Variants in FHIT observed in about 807,000 individuals in gnomAD.
FHIT encodes bis(5'-adenosyl)-triphosphatase.
Under a neutral mutation model 17.9 loss-of-function variants are expected in FHIT, and 19 were observed. That is an observed-to-expected ratio of 1.06 (90% CI 0.74 to 1.56). FHIT has a LOEUF of 1.56. Among genes scored for constraint, FHIT ranks in the 40% most tolerant of loss-of-function variants. The pLI, the probability that FHIT is intolerant of heterozygous loss-of-function variation, is 0.00. For synonymous variants in FHIT, 81 were observed against 69.7 expected, an observed-to-expected ratio of 1.16 and a Z score of -0.81; for missense variants, 248 against 189.2, an observed-to-expected ratio of 1.31 and a Z score of -1.82.
At chr3:60,057,465 C>T (rs1702126150) in intron 5 of FHIT, among the ~76,000 whole-genome samples, 1 of 152,056 alleles carries the variant, frequency 6.6e-6, no homozygotes, top group Admixed American at 6.6e-5. Flanking sequence ...ATTACTCAGC[C>T]ATGAAAATGA....
rs547011868 is a variant in FHIT at position 61,011,800 on chromosome 3, T to C, written c.-111+30247A>G. ...AAGCAAAATGGGAATCTGTAAAAAA[T>C]ACAATGGCGATGGTGTCTTATTTCT... On this transcript the variant is annotated intron_variant, in intron 3 of 9. Coordinates refer to ENST00000492590, the MANE Select transcript of FHIT (RefSeq NM_002012.4). Among the ~76,000 whole-genome samples the C allele has an allele frequency of 1.4e-4, 22 of 152,132 alleles. No individual in the cohort carries two copies. In the South Asian group the frequency reaches 4.1e-3, roughly 29 times the overall value.
At chr3:59,858,857 G>A (rs76340742) in intron 8 of FHIT, among the ~76,000 whole-genome samples, 2 of 152,176 alleles carry the variant, frequency 1.3e-5, no homozygotes, top group East Asian at 3.9e-4. Context: ...TGAAGATACT[G>A]ATATGAATTC....
rs189086767 is a variant in FHIT at position 60,091,769 on chromosome 3, C to T, written c.104-77617G>A. On this transcript the variant is annotated intron_variant, in intron 5 of 9. Coordinates refer to ENST00000492590, the MANE Select transcript of FHIT (RefSeq NM_002012.4). ...GCACCTCCCACCTTGCCTTTCTTCT[C>T]CTGCTCCCACCACATGAGATGCCTC... Among the ~76,000 whole-genome samples, 10 of 152,194 alleles carry T rather than the reference C, an allele frequency of 6.6e-5. No homozygotes were observed. In the East Asian group the frequency reaches 1.9e-3, roughly 29 times the overall value.
intron 5 of FHIT, among the ~76,000 whole-genome samples, chr3:60,507,065 T>C (rs2034762103): frequency 6.6e-6 from 1 of 152,142 alleles, no homozygotes; most frequent in Admixed American, 6.6e-5. Context: ...TTCTAGCACA[T>C]GTGAATTACA....
intron 5 of FHIT, among the ~76,000 whole-genome samples, chr3:60,412,008 T>TG (rs1485287322): frequency 1.3e-5 from 2 of 151,800 alleles, no homozygotes; most frequent in Non-Finnish European, 2.9e-5. Flanking sequence ...TTGCCTGGGG[T>TG]GGGGGGAAAC....
rs192293689 is a variant in FHIT, at chr3:59,850,104, A to T, written c.348+72242T>A. On this transcript the variant is annotated intron_variant, in intron 8 of 9. Coordinates refer to ENST00000492590, the MANE Select transcript of FHIT (RefSeq NM_002012.4). ...CCTGCATGCTGGTAGTTAATTTAAT[A>T]AAAATTAGAAAGGTGAAGCCCTGTT... 5.9e-5 allele frequency among the ~76,000 whole-genome samples: 9 copies of T among 152,330 alleles called. No individual in the cohort carries two copies. In the East Asian group the frequency reaches 1.7e-3, roughly 29 times the overall value.
At chr3:60,857,561 GC>G (rs1553750287) in intron 3 of FHIT, among the ~76,000 whole-genome samples, 51 of 152,004 alleles carry the variant, frequency 3.4e-4, no homozygotes, top group African/African-American at 1.2e-3. Flanking sequence ...CCCAGTGCTT[GC>G]CACAGAGTTA....
At chr3:60,150,367 G>C (rs1700413182) in intron 5 of FHIT, among the ~76,000 whole-genome samples, 1 of 152,046 alleles carries the variant, frequency 6.6e-6, no homozygotes, top group Non-Finnish European at 1.5e-5. Flanking sequence ...AAATATATTG[G>C]AGTCAATCAC....
intron 3 of FHIT, among the ~76,000 whole-genome samples, chr3:61,036,901 G>GTTTTTTTGTTTTTT (rs2033269047): frequency 1.4e-5 from 1 of 70,310 alleles, no homozygotes; most frequent in South Asian, 6.8e-4. Context: ...AGTCTGCTTT[G>GTTTTTTTGTTTTTT]TTTTTTTTTT....
At chr3:60,326,082 C>T (rs1709679032) in intron 5 of FHIT, among the ~76,000 whole-genome samples, 1 of 151,932 alleles carries the variant, frequency 6.6e-6, no homozygotes, top group Admixed American at 6.6e-5. Flanking sequence ...GCAGTCAGTC[C>T]CCAACCTTTC....
chr3:59,913,692 C>T (rs768439264), intron 8 of FHIT, among the ~76,000 whole-genome samples: 14 of 152,180 alleles, frequency 9.2e-5, no homozygotes, highest in South Asian at 6.2e-4. Flanking sequence ...GCAAAGACTG[C>T]GAACTATAGT....
intron 8 of FHIT, among the ~76,000 whole-genome samples, chr3:59,769,166 G>A (rs1429749022): frequency 2.0e-5 from 3 of 152,178 alleles, no homozygotes; most frequent in Admixed American, 6.5e-5. Context: ...TAATTTCGGA[G>A]GATAGAAGAT....
intron 4 of FHIT, among the ~76,000 whole-genome samples, chr3:60,600,692 C>T (rs1172042110): frequency 1.3e-5 from 2 of 152,028 alleles, no homozygotes; most frequent in Non-Finnish European, 2.9e-5. Context: ...TCAGAACTAC[C>T]CTAAATATGA....
chr3:60,633,662 A>G (rs1219927400), intron 4 of FHIT, among the ~76,000 whole-genome samples: 1 of 152,224 alleles, frequency 6.6e-6, no homozygotes, highest in Non-Finnish European at 1.5e-5. Context: ...AGGAAACTGT[A>G]TGCTACTCGC....
chr3:60,252,892 G>A (rs1705797968), intron 5 of FHIT, among the ~76,000 whole-genome samples: 1 of 151,924 alleles, frequency 6.6e-6, no homozygotes, highest in Non-Finnish European at 1.5e-5. Context: ...CAGCTACTCG[G>A]GAGGCTGAGG....
At chr3:60,993,871 T>A (rs1288666200) in intron 3 of FHIT, among the ~76,000 whole-genome samples, 1 of 152,168 alleles carries the variant, frequency 6.6e-6, no homozygotes, top group African/African-American at 2.4e-5. Flanking sequence ...TTACTCTCCC[T>A]TTGTATGTAC....
At chr3:60,807,666 T>G (rs568000279) in intron 4 of FHIT, among the ~76,000 whole-genome samples, 1 of 152,304 alleles carries the variant, frequency 6.6e-6, no homozygotes, top group African/African-American at 2.4e-5. Context: ...CACTCCTGAC[T>G]GATCATTGCT....
chr3:60,783,282 C>T (rs1410244216), intron 4 of FHIT, among the ~76,000 whole-genome samples: 3 of 152,092 alleles, frequency 2.0e-5, no homozygotes, highest in Admixed American at 2.0e-4. Context: ...TTCAATAGGT[C>T]ATTAGAGAGA....
chr3:60,488,775 CT>C (rs1258089113), intron 5 of FHIT, among the ~76,000 whole-genome samples: 1 of 152,242 alleles, frequency 6.6e-6, no homozygotes, highest in African/African-American at 2.4e-5. Context: ...AATTATCTAA[CT>C]TTCTCTATCA....
Sources: gnomAD v4.1 joint callset for allele counts (sites outside exome capture counted in the v4.1 genomes callset) on GRCh38, gnomAD v4.1.1 for gene constraint, MANE v1.5 for transcripts, NCBI Gene and HGNC (gene_info 2026-07-23, HGNC 2026-07-21) for gene names.